The following MGAT4C variants were observed in gnomAD, a reference collection of about 807,000 sequenced individuals.
MGAT4C encodes MGAT4 family member C.
MGAT4C carries 19 observed loss-of-function variants against 40.1 expected under a neutral mutation model. The observed-to-expected ratio is 0.47, with a 90% CI of 0.33 to 0.70. MGAT4C has a LOEUF of 0.70. Ranked by LOEUF, MGAT4C falls within the 30% of genes least tolerant of loss-of-function variation. The pLI is 0.02. For synonymous variants in MGAT4C, 181 were observed against 187.1 expected (o/e 0.97, Z 0.27); for missense variants, 491 against 563.2 (o/e 0.87, Z 1.30).
In MGAT4C at chr12:86,324,386, CTT is replaced by C. The variant is rs574833767; in HGVS notation, c.-57+9677_-57+9678del. Among the ~76,000 whole-genome samples, 12 of 151,696 alleles carry C rather than the reference CTT, an allele frequency of 7.9e-5. No individual in the cohort carries two copies. In the East Asian group the frequency reaches 1.4e-3, roughly 17 times the overall value. ...TCCATATTCTTACATTCTTTTAATTCTTTTTGTGCATTTTGGTTACTTATTAA... is the reference window on the plus strand; with the variant it reads ...TCCATATTCTTACATTCTTTTAATTCTTTGTGCATTTTGGTTACTTATTAA... On this transcript the variant is annotated intron_variant, in intron 4 of 7. Coordinates refer to the MGAT4C transcript ENST00000548651.
At chr12:86,455,590 A>T (rs999796453) in intron 2 of MGAT4C, among the ~76,000 whole-genome samples, 1 of 152,144 alleles carries the variant, frequency 6.6e-6, no homozygotes, top group Admixed American at 6.5e-5. Flanking sequence ...GAAGAAAAGA[A>T]CTTGGTGATA....
At chr12:86,490,978 C>A (rs1436164833) in intron 2 of MGAT4C, among the ~76,000 whole-genome samples, 1 of 152,002 alleles carries the variant, frequency 6.6e-6, no homozygotes, top group Non-Finnish European at 1.5e-5. Context: ...ACCTTAACAC[C>A]CCACTGTCAA....
chr12:86,202,434 C>T (rs373238200), intron 1 of MGAT4C, among the ~76,000 whole-genome samples: 4 of 151,990 alleles, frequency 2.6e-5, no homozygotes, highest in Admixed American at 6.6e-5. Context: ...CAATAGATAA[C>T]GTTCCACATA....
At chr12:86,815,860 G>C (rs572709987) in intron 1 of MGAT4C, among the ~76,000 whole-genome samples, 3 of 136,696 alleles carry the variant, frequency 2.2e-5, no homozygotes, top group Admixed American at 1.5e-4. Context: ...AGAGTGGTGG[G>C]GGGGCAAGGG....
intron 3 of MGAT4C, among the ~76,000 whole-genome samples, chr12:86,379,112 G>C (rs1351873244): frequency 6.6e-6 from 1 of 151,914 alleles, no homozygotes. Context: ...TAACCTTAAG[G>C]TTCTCAGCTT....
At chr12:85,993,810 C>A (rs1886274454) in intron 2 of MGAT4C, among the ~76,000 whole-genome samples, 1 of 152,136 alleles carries the variant, frequency 6.6e-6, no homozygotes, top group African/African-American at 2.4e-5. Flanking sequence ...ACCCGCAGAC[C>A]CCAGAGTCCC....
At chr12:86,584,693 G>A (rs893813364) in intron 2 of MGAT4C, among the ~76,000 whole-genome samples, 1 of 151,338 alleles carries the variant, frequency 6.6e-6, no homozygotes, top group Non-Finnish European at 1.5e-5. Context: ...AATGTTTAAA[G>A]ATGCTGCTAA....
At chr12:86,584,859 C>T (rs1336661959) in intron 2 of MGAT4C, among the ~76,000 whole-genome samples, 1 of 150,866 alleles carries the variant, frequency 6.6e-6, no homozygotes, top group Admixed American at 6.7e-5. Context: ...TGAAGTGGAG[C>T]TATTTTCATT....
intron 4 of MGAT4C, among the ~76,000 whole-genome samples, chr12:86,318,210 A>T (rs1012144321): frequency 2.0e-5 from 3 of 152,004 alleles, no homozygotes; most frequent in Admixed American, 1.3e-4. Context: ...TATTTTATGA[A>T]TTTTTTTGTC....
intron 1 of MGAT4C, among the ~76,000 whole-genome samples, chr12:86,733,738 G>C (rs949417738): frequency 1.3e-5 from 2 of 151,982 alleles, no homozygotes; most frequent in East Asian, 1.9e-4. Context: ...AAGGAAGAAG[G>C]GGGGGAGACA....
intron 3 of MGAT4C, among the ~76,000 whole-genome samples, chr12:86,352,622 C>T (rs750122812): frequency 2.6e-4 from 39 of 152,234 alleles, no homozygotes; most frequent in Non-Finnish European, 4.3e-4. Context: ...ATACATTATA[C>T]TTCTTCCTCA....
chr12:86,534,160 C>T (rs979873149), intron 2 of MGAT4C, among the ~76,000 whole-genome samples: 6 of 151,992 alleles, frequency 3.9e-5, no homozygotes, highest in Admixed American at 2.0e-4. Flanking sequence ...AGTTTGCCAC[C>T]GTTTTAGGTC....
chr12:86,065,654 C>A (rs1245858297), intron 1 of MGAT4C, among the ~76,000 whole-genome samples: 2 of 152,194 alleles, frequency 1.3e-5, no homozygotes, highest in Non-Finnish European at 2.9e-5. Context: ...CGGGAGAAGA[C>A]AAGGGTGCCC....
chr12:86,035,379 T>A (rs1031671867), intron 2 of MGAT4C, among the ~76,000 whole-genome samples: 2 of 150,316 alleles, frequency 1.3e-5, no homozygotes, highest in African/African-American at 4.8e-5. Flanking sequence ...AAATGTCTTC[T>A]TTTGAGAAGT....
chr12:86,571,114 C>T (rs11103994), intron 2 of MGAT4C, among the ~76,000 whole-genome samples: 42,396 of 151,990 alleles, frequency 0.28, 7,366 homozygotes, highest in Admixed American at 0.4. Context: ...CGGTGCCTGC[C>T]CTCTTTTAAC....
At chr12:86,251,465 A>G (rs1170201804) in intron 1 of MGAT4C, among the ~76,000 whole-genome samples, 1 of 152,084 alleles carries the variant, frequency 6.6e-6, no homozygotes, top group Non-Finnish European at 1.5e-5. Context: ...GTGCACGCAA[A>G]CAAAAAAGAA....
intron 2 of MGAT4C, among the ~76,000 whole-genome samples, chr12:86,665,271 G>A (rs531674101): frequency 1.3e-5 from 2 of 152,292 alleles, no homozygotes; most frequent in African/African-American, 4.8e-5. Context: ...GGTTTGAAAA[G>A]CAGTCCTTTT....
intron 3 of MGAT4C, among the ~76,000 whole-genome samples, chr12:86,384,027 C>A (rs938970820): frequency 2.6e-5 from 4 of 152,146 alleles, no homozygotes; most frequent in Admixed American, 6.5e-5. Context: ...GAATAAGTCT[C>A]ATGAGATCTG....
chr12:86,211,963 G>A (rs1294199999), intron 1 of MGAT4C, among the ~76,000 whole-genome samples: 1 of 152,142 alleles, frequency 6.6e-6, no homozygotes, highest in Non-Finnish European at 1.5e-5. Flanking sequence ...CAGCTTAGGA[G>A]TTGATATTCC....
Sources: gnomAD v4.1 joint callset for allele counts (sites outside exome capture counted in the v4.1 genomes callset) on GRCh38, gnomAD v4.1.1 for gene constraint, MANE v1.5 for transcripts, NCBI Gene and HGNC (gene_info 2026-07-23, HGNC 2026-07-21) for gene names.